The following SV2A variants were observed in gnomAD, a reference collection of about 807,000 sequenced individuals.
The protein encoded by SV2A is synaptic vesicle glycoprotein 2A.
Under a neutral mutation model 78.0 loss-of-function variants are expected in SV2A, and 25 were observed. That is an observed-to-expected ratio of 0.32 (90% confidence interval 0.23 to 0.45). The LOEUF is 0.45. Ranked by LOEUF, SV2A falls within the 20% of genes least tolerant of loss-of-function variation. The pLI is 1.00. For missense variants in SV2A, 752 were observed against 971.5 expected (o/e 0.77, Z 3.00); for synonymous variants, 355 against 384.7 (o/e 0.92, Z 0.90).
At chr1:149,916,566 C>T (rs1016013894) in intron 1 of SV2A, among the ~76,000 whole-genome samples, 2 of 152,190 alleles carry the variant, frequency 1.3e-5, no homozygotes, top group Non-Finnish European at 2.9e-5. Flanking sequence ...AGGCAGGGGA[C>T]TCCAGAGCAA....
chr1:149,906,805 A>G lies in SV2A; in HGVS notation c.1730T>C (p.Leu577Pro), dbSNP rs1553762838. ...VNSRLINSTF[L>P]HNKEGCPLDV... Reference sequence around the variant, plus strand: ...TAGCGGGCAGCCCTCCTTGTTGTGCAGGAATGTACTGTTTATCAGACGGCT... The same window carrying G: ...TAGCGGGCAGCCCTCCTTGTTGTGCGGGAATGTACTGTTTATCAGACGGCT... Residue 577 changes from leucine to proline, a missense_variant, in exon 11 of 13, where the codon CTG (leucine) becomes CCG (proline). Transcript: ENST00000369146. 1.2e-6 allele frequency: 2 copies of G among 1,614,212 alleles called. No individual in the cohort carries two copies. Among genetic ancestry groups the G allele is most frequent in the Non-Finnish European group, 1.7e-6 (2 of 1,180,038 alleles).
At chr1:149,911,777 G>T in intron 3 of SV2A, 23 bp downstream of exon 3, 2 of 1,610,724 alleles carry the variant, frequency 1.2e-6, no homozygotes, top group South Asian at 2.2e-5. Context: ...TGCCCTCAAG[G>T]GACTTAGGAA....
chr1:149,910,382 C>CTTGGTG lies in SV2A; in HGVS notation c.1089+187_1089+188insCACCAA, dbSNP rs2092467946. On this transcript the variant is annotated intron_variant, in intron 5 of 12. Transcript: ENST00000369146. The surrounding 1 kb of genome is among the most constrained non-coding windows in gnomAD (Gnocchi z 4.2). Reference sequence around the variant, plus strand: ...CCCTGGTTTCTCCACCCAAGAACCCCTCAGGGACACATTCCAAGGCAAAGA... The same window carrying CTTGGTG: ...CCCTGGTTTCTCCACCCAAGAACCCCTTGGTGTCAGGGACACATTCCAAGGCAAAGA... Among the ~76,000 whole-genome samples, 1 of 152,220 alleles carries CTTGGTG rather than the reference C, an allele frequency of 6.6e-6. No individual in the cohort carries two copies. The highest frequency in any genetic ancestry group is 2.4e-5 in the African/African-American group (1 of 41,448).
At chr1:149,916,357 A>G (rs587647785) in intron 1 of SV2A, among the ~76,000 whole-genome samples, 9 of 152,208 alleles carry the variant, frequency 5.9e-5, no homozygotes, top group Admixed American at 5.9e-4. Flanking sequence ...AAGAAGACAA[A>G]TTCTTTGAGC....
chr1:149,905,034 G>T lies in SV2A; in HGVS notation c.2209C>A (p.Arg737=), dbSNP rs368258942. The change falls in exon 13 of 13, where the codon CGG becomes AGG. Residue 737 remains arginine, a synonymous_variant. Transcript: ENST00000369146. ...CCCCTTCACTGCAGCACCTGCCCCC[G>T]GGTCTCAGGCAGCTTCAGGGCCAGA... ...SSLALKLPET[R]GQVLQ is the part of the protein sequence containing the mutation. 3 of 1,611,856 alleles carry T rather than the reference G, an allele frequency of 1.9e-6. No individual in the cohort carries two copies. Among genetic ancestry groups the T allele is most frequent in the South Asian group, 2.2e-5 (2 of 90,454 alleles).
At chr1:149,905,456 C>CTTTTT in intron 12 of SV2A, 3 of 244,408 alleles carry the variant, frequency 1.2e-5, no homozygotes, top group Admixed American at 5.5e-5. Flanking sequence ...TTTTTTTTTC[C>CTTTTT]TTTTTTTTTT....
chr1:149,916,173 C>T (rs2092512513), intron 1 of SV2A, among the ~76,000 whole-genome samples: 2 of 152,142 alleles, frequency 1.3e-5, no homozygotes, highest in South Asian at 2.1e-4. Context: ...GATCTCCCCT[C>T]CAGCCCTGAA....
chr1:149,910,355 T>C lies in SV2A; in HGVS notation c.1089+215A>G, dbSNP rs1553763509. The stretch of plus-strand genomic sequence containing the variant: ...CTTAAGTCATCCATGGGTAAAGAGG[T>C]CCCCTGGTTTCTCCACCCAAGAACC... On this transcript the variant is annotated intron_variant, in intron 5 of 12. Coordinates refer to ENST00000369146, the MANE Select transcript of SV2A (RefSeq NM_014849.5). The surrounding 1 kb of genome is among the most constrained non-coding windows in gnomAD (Gnocchi z 4.2). Among the ~76,000 whole-genome samples, 1 of 151,676 alleles carries C rather than the reference T, an allele frequency of 6.6e-6. No individual in the cohort carries two copies. Among genetic ancestry groups the C allele is most frequent in the African/African-American group, 2.4e-5 (1 of 41,214 alleles).
Position 149,904,954 on chromosome 1 carries a change from G to A in SV2A, c.*60C>T, listed in dbSNP as rs1553762446. 3 of 1,512,208 alleles carry A rather than the reference G, an allele frequency of 2.0e-6. No homozygotes were observed. The highest frequency in any genetic ancestry group is 2.0e-5 in the Admixed American group (1 of 49,048). The allele number at this position is 1,512,208 out of a possible 1,614,324, so 93.7% of individuals were successfully genotyped here. ...GGTCAGGATGGCAGGGCAGGGAGGG[G>A]AAGGAAGGAGTTGTTGGTCTCACAG... On this transcript the variant is annotated 3_prime_UTR_variant, in exon 13 of 13. Coordinates refer to ENST00000369146, the MANE Select transcript of SV2A (RefSeq NM_014849.5).
At chr1:149,915,332 C>T (rs1040255198) in intron 1 of SV2A, among the ~76,000 whole-genome samples, 4 of 152,136 alleles carry the variant, frequency 2.6e-5, no homozygotes, top group African/African-American at 9.7e-5. Context: ...CAAACAGAGT[C>T]CCAAGACACC....
At chr1:149,906,602 C>A (rs782813105) in intron 11 of SV2A, 48 bp downstream of exon 11, 26 of 1,598,960 alleles carry the variant, frequency 1.6e-5, no homozygotes, top group Non-Finnish European at 2.2e-5. Flanking sequence ...CTGCCTCCCG[C>A]AGCCCCTGGC....
chr1:149,914,799 TG>T (rs2092502355), intron 1 of SV2A, among the ~76,000 whole-genome samples: 1 of 152,206 alleles, frequency 6.6e-6, no homozygotes, highest in African/African-American at 2.4e-5. Flanking sequence ...AGTTTCTTCT[TG>T]TTTAAAAAGG....
rs782411871 is a variant in SV2A, at chr1:149,907,747, G to A, written c.1631C>T (p.Thr544Met). The A allele has an allele frequency of 2.7e-5, 44 of 1,614,030 alleles. No homozygotes were observed. Among genetic ancestry groups the A allele is most frequent in the Non-Finnish European group, 3.6e-5 (43 of 1,180,044 alleles). Residue 544 changes from threonine (T) to methionine (M), a missense_variant, in exon 10 of 13, where the codon ACG (threonine) becomes ATG (methionine). By Grantham distance (81) the Thr-to-Met change is moderately conservative (BLOSUM62 -1). Around this residue, in one of 7 missense-constraint regions of SV2A, gnomAD observed 186 missense variants for 274.6 expected, o/e 0.68. Coordinates refer to ENST00000369146, the MANE Select transcript of SV2A (RefSeq NM_014849.5). ...GATGAATGTGCAGTTGCGGAAAAACGTGTTGCTGGATGTGACATCCTCAAA... is the reference window on the plus strand; with the variant it reads ...GATGAATGTGCAGTTGCGGAAAAACATGTTGCTGGATGTGACATCCTCAAA... The part of the protein sequence containing the change: ...CYFEDVTSSN[T>M]FFRNCTFINT...
intron 1 of SV2A, among the ~76,000 whole-genome samples, chr1:149,916,525 G>A (rs1450511203): frequency 6.6e-6 from 1 of 152,174 alleles, no homozygotes; most frequent in Non-Finnish European, 1.5e-5. Flanking sequence ...GAAAAAATGT[G>A]CCCAGGAGAT....
chr1:149,907,978 G>C, intron 9 of SV2A, 64 bp downstream of exon 9: 1 of 1,590,098 alleles, frequency 6.3e-7, no homozygotes, highest in South Asian at 1.1e-5. Flanking sequence ...TGAACCCCTA[G>C]ACTCATAAAA....
intron 8 of SV2A, among the ~76,000 whole-genome samples, chr1:149,908,801 C>A (rs587687314): frequency 6.6e-6 from 1 of 152,254 alleles, no homozygotes; most frequent in South Asian, 2.1e-4. Flanking sequence ...CCATGCCCGG[C>A]TAATTTTTTG....
chr1:149,905,913 A>C lies in SV2A; in HGVS notation c.2012T>G (p.Val671Gly), dbSNP rs1553762653. 1 of 1,614,016 alleles carries C rather than the reference A, an allele frequency of 6.2e-7. No individual in the cohort carries two copies. The highest frequency in any genetic ancestry group is 8.5e-7 in the Non-Finnish European group (1 of 1,180,006). ...TGAGGGGTAGAGTTCAACAGTCAACACGTCCAGCGCATTCCAGGATGCAAT... is the reference window on the plus strand; with the variant it reads ...TGAGGGGTAGAGTTCAACAGTCAACCCGTCCAGCGCATTCCAGGATGCAAT... ...VSIASWNALD[V>G]LTVELYPSDK... Residue 671 changes from valine to glycine, a missense_variant, in exon 12 of 13, where the codon GTG becomes GGG. By Grantham distance (109) the Val-to-Gly change is moderately radical (BLOSUM62 -3). Coordinates refer to ENST00000369146, the MANE Select transcript of SV2A (RefSeq NM_014849.5).
Position 149,905,866 on chromosome 1 carries a change from C to T in SV2A, c.2045+14G>A. 2.5e-6 allele frequency: 4 copies of T among 1,613,728 alleles called. No individual in the cohort carries two copies. Among genetic ancestry groups the T allele is most frequent in the Non-Finnish European group, 3.4e-6 (4 of 1,179,764 alleles). ...CCTGAATCCACTGCCCTGCCTCCAA[C>T]ACATTCCAACTACCTCTTGTCTGAG... On this transcript the variant is annotated intron_variant, in intron 12 of 12. Transcript: ENST00000369146.
At chr1:149,907,326 A>C (rs1404317656) in intron 10 of SV2A, among the ~76,000 whole-genome samples, 1 of 152,172 alleles carries the variant, frequency 6.6e-6, no homozygotes, top group Non-Finnish European at 1.5e-5. Flanking sequence ...AATCACTATT[A>C]AAAAGGAGTG....
Sources: gnomAD v4.1 joint callset for allele counts (sites outside exome capture counted in the v4.1 genomes callset) on GRCh38, gnomAD v4.1.1 for gene constraint, gnomAD v4.1.1 regional missense constraint, Gnocchi (gnomAD v3.1) non-coding constraint, MANE v1.5 for transcripts, NCBI Gene and HGNC (gene_info 2026-07-23, HGNC 2026-07-21) for gene names.